Variants in BEST3 observed in about 807,000 individuals in gnomAD.
BEST3 encodes the protein bestrophin-3.
In BEST3, 50 loss-of-function variants were observed where a neutral mutation model predicts 47.1. The observed-to-expected ratio is 1.06, with a 90% CI of 0.85 to 1.34. BEST3 has a LOEUF of 1.34. Ranked by LOEUF, BEST3 falls within the 40% of genes most tolerant of loss-of-function variation. The pLI, the probability that BEST3 is intolerant of heterozygous loss-of-function variation, is 0.00. For missense variants in BEST3, 765 were observed against 817.0 expected (o/e 0.94, Z 0.78); for synonymous variants, 282 against 298.8 (o/e 0.94, Z 0.58).
intron 7 of BEST3, among the ~76,000 whole-genome samples, chr12:69,676,008 A>G (rs544482987): frequency 6.6e-6 from 1 of 152,150 alleles, no homozygotes; most frequent in East Asian, 1.9e-4. Flanking sequence ...TTTTTTTTCT[A>G]TCACATACTT....
downstream of BEST3, among the ~76,000 whole-genome samples, chr12:69,648,783 G>A (rs1883119302): frequency 6.6e-6 from 1 of 152,206 alleles, no homozygotes; most frequent in Non-Finnish European, 1.5e-5. Context: ...GAATCCATGA[G>A]TTTGCTTGGC....
intron 9 of BEST3, among the ~76,000 whole-genome samples, chr12:69,656,356 T>A (rs1883493607): frequency 2.4e-5 from 3 of 127,650 alleles, no homozygotes; most frequent in Non-Finnish European, 5.0e-5. Flanking sequence ...TATATATCTA[T>A]ATCTATGAAT....
intron 9 of BEST3, chr12:69,670,272 G>C: frequency 1.7e-6 from 1 of 590,490 alleles, no homozygotes; most frequent in Middle Eastern, 3.1e-4. Flanking sequence ...GAGCTCTCTG[G>C]CCTGGAAGGA....
intron 9 of BEST3, chr12:69,670,718 G>C: frequency 4.4e-6 from 2 of 450,704 alleles, no homozygotes; most frequent in Non-Finnish European, 7.9e-6. Context: ...GTCTTGCCAA[G>C]AATTATAAGA....
At chr12:69,673,880 G>A (rs768775163) in intron 7 of BEST3, among the ~76,000 whole-genome samples, 50 of 152,042 alleles carry the variant, frequency 3.3e-4, no homozygotes, top group Non-Finnish European at 6.6e-4. Flanking sequence ...TTTTCCTGCC[G>A]GGAAAATGTT....
chr12:69,691,947 C>T (rs1206485490), intron 4 of BEST3, among the ~76,000 whole-genome samples: 9 of 152,214 alleles, frequency 5.9e-5, no homozygotes, highest in Non-Finnish European at 1.3e-4. Context: ...CAGAAACTTA[C>T]TAGTGCCAAT....
intron 7 of BEST3, among the ~76,000 whole-genome samples, chr12:69,674,359 C>G (rs766746752): frequency 6.6e-6 from 1 of 152,072 alleles, no homozygotes; most frequent in Non-Finnish European, 1.5e-5. Context: ...GGTCCCTCCC[C>G]GAGAGATTCT....
chr12:69,693,775 G>T lies in BEST3; in HGVS notation c.380C>A (p.Thr127Lys). ...SDEHGRLLRR[T>K]LMRYVNLTSL... ...GGTGAGATTGACGTAGCGCATCAGCGTCCTTCTAAGCAGGCGCCCGTGCTC... is the reference window on the plus strand; with the variant it reads ...GGTGAGATTGACGTAGCGCATCAGCTTCCTTCTAAGCAGGCGCCCGTGCTC... Residue 127 changes from threonine (T) to lysine (K), a missense_variant, in exon 4 of 10, where the codon ACG (threonine) becomes AAG (lysine). Transcript: ENST00000330891. The T allele has an allele frequency of 6.2e-7, 1 of 1,614,172 alleles. No individual in the cohort carries two copies. Among genetic ancestry groups the T allele is most frequent in the Non-Finnish European group, 8.5e-7 (1 of 1,180,026 alleles).
intron 4 of BEST3, among the ~76,000 whole-genome samples, chr12:69,686,120 C>G (rs1206487489): frequency 6.7e-6 from 1 of 149,626 alleles, no homozygotes; most frequent in Admixed American, 6.7e-5. Flanking sequence ...TTGGCTCTCA[C>G]TCTTGTAACA....
chr12:69,659,422 T>C (rs1883731482), intron 9 of BEST3, among the ~76,000 whole-genome samples: 1 of 152,224 alleles, frequency 6.6e-6, no homozygotes, highest in Non-Finnish European at 1.5e-5. Context: ...GGCACAATCA[T>C]GGCTCACTGT....
chr12:69,646,674 C>T (rs1883046994), intron 9 of BEST3, among the ~76,000 whole-genome samples: 1 of 152,186 alleles, frequency 6.6e-6, no homozygotes, highest in South Asian at 2.1e-4. Context: ...ATAGCCTCTG[C>T]ATCAGGGCCA....
At chr12:69,670,758 A>G (rs1040784887) in intron 9 of BEST3, among the ~76,000 whole-genome samples, 3 of 148,370 alleles carry the variant, frequency 2.0e-5, no homozygotes, top group African/African-American at 7.6e-5. Context: ...CCCTTTTGCT[A>G]CAGTTTTTTT....
Position 69,677,260 on chromosome 12 carries a change from A to G in BEST3, c.637-3T>C. The G allele has an allele frequency of 1.9e-6, 3 of 1,608,256 alleles. No individual in the cohort carries two copies. The highest frequency in any genetic ancestry group is 1.3e-5 in the African/African-American group (1 of 74,900). On this transcript the variant is annotated splice_polypyrimidine_tract_variant and splice_region_variant and intron_variant, in intron 5 of 9. Transcript: ENST00000330891. ...CAAGAGCGGTATCGATTCATTTCCT[A>G]AGCCAGAAACAGATCAAGCATGATT...
At chr12:69,662,687 T>C (rs1258933431) in intron 9 of BEST3, among the ~76,000 whole-genome samples, 3 of 152,220 alleles carry the variant, frequency 2.0e-5, no homozygotes, top group Non-Finnish European at 4.4e-5. Context: ...GAAGGAGCTC[T>C]TTAAAATTTT....
At chr12:69,697,904 C>A in intron 1 of BEST3, 91 bp from the exon 2 acceptor site, 1 of 1,002,442 alleles carries the variant, frequency 1.0e-6, no homozygotes, top group Non-Finnish European at 1.4e-6. Flanking sequence ...AAATTCAAGC[C>A]AGCAACTAGT....
At chr12:69,671,639 T>C in intron 8 of BEST3, 60 bp from the exon 9 acceptor site, 2 of 1,539,846 alleles carry the variant, frequency 1.3e-6, no homozygotes, top group Non-Finnish European at 9.0e-7. Context: ...AAAGGAGAAG[T>C]TTTTTTGGGC....
At chr12:69,649,236 G>A (rs1472220090), downstream of BEST3, among the ~76,000 whole-genome samples, 6 of 152,192 alleles carry the variant, frequency 3.9e-5, no homozygotes, top group South Asian at 2.1e-4. Context: ...GACCTCAAGC[G>A]ACCTGCCCGC....
chr12:69,670,504 G>A (rs183466628), intron 9 of BEST3: 106 of 702,940 alleles, frequency 1.5e-4, no homozygotes, highest in Admixed American at 3.4e-4. Context: ...CCCTTTGGAA[G>A]AGAAGTGCCA....
chr12:69,679,174 AG>A (rs1057120643), intron 4 of BEST3, among the ~76,000 whole-genome samples: 2 of 152,252 alleles, frequency 1.3e-5, no homozygotes, highest in African/African-American at 4.8e-5. Context: ...AATGTGAACT[AG>A]AACATTTGGG....
Sources: gnomAD v4.1 joint callset for allele counts (sites outside exome capture counted in the v4.1 genomes callset) on GRCh38, gnomAD v4.1.1 for gene constraint, MANE v1.5 for transcripts, NCBI Gene and HGNC (gene_info 2026-07-23, HGNC 2026-07-21) for gene names.